The following PDE3B variants were observed in gnomAD, a reference collection of about 807,000 sequenced individuals.
The protein encoded by PDE3B is phosphodiesterase 3B.
In PDE3B, 66 loss-of-function variants were observed where a neutral mutation model predicts 116.8. The ratio of observed to expected loss-of-function variants is 0.56; its 90% confidence interval spans 0.46 to 0.69. PDE3B has a LOEUF of 0.69. PDE3B is among the 30% of genes least tolerant of loss of function. The probability of loss-of-function intolerance (pLI) is 0.00; values close to 1 mark genes in which losing one functional copy is unlikely to be tolerated. For synonymous variants in PDE3B, 595 were observed against 533.6 expected (o/e 1.12, Z -1.59); for missense variants, 1,384 against 1,368.1 (o/e 1.01, Z -0.18).
At chr11:14,804,914 A>T (rs1858874960) in intron 5 of PDE3B, among the ~76,000 whole-genome samples, 1 of 152,180 alleles carries the variant, frequency 6.6e-6, no homozygotes, top group South Asian at 2.1e-4. Flanking sequence ...AATGGATTGG[A>T]TACAACAGAA....
intron 2 of PDE3B, chr11:14,776,796 T>A (rs913912646): frequency 1.3e-5 from 2 of 152,102 alleles, no homozygotes; most frequent in African/African-American, 4.8e-5. Context: ...TGCCTTCTAA[T>A]GGCAAAGATT....
At chr11:14,757,987 G>A (rs528686955) in intron 1 of PDE3B, among the ~76,000 whole-genome samples, 2 of 151,718 alleles carry the variant, frequency 1.3e-5, no homozygotes, top group Admixed American at 6.6e-5. Flanking sequence ...TGTATAAGGT[G>A]TAAGGAAGGG....
intron 12 of PDE3B, among the ~76,000 whole-genome samples, chr11:14,846,026 A>G (rs1847593577): frequency 6.6e-6 from 1 of 152,158 alleles, no homozygotes; most frequent in Non-Finnish European, 1.5e-5. Flanking sequence ...CAACTCCAAG[A>G]CTCATAACTG....
chr11:14,669,527 A>G (rs1352862292), intron 1 of PDE3B, among the ~76,000 whole-genome samples: 1 of 96,942 alleles, frequency 1.0e-5, no homozygotes, highest in Non-Finnish European at 2.0e-5. Flanking sequence ...GGTTTGTTAC[A>G]TATGTATACA....
downstream of PDE3B, among the ~76,000 whole-genome samples, chr11:14,873,439 G>C (rs1848163259): frequency 6.6e-6 from 1 of 152,216 alleles, no homozygotes; most frequent in Admixed American, 6.5e-5. Flanking sequence ...GGACCACAGG[G>C]ACATGTACAG....
intron 1 of PDE3B, among the ~76,000 whole-genome samples, chr11:14,767,532 G>A (rs1857529161): frequency 6.6e-6 from 1 of 150,948 alleles, no homozygotes. Flanking sequence ...TATTGATTGG[G>A]GAGTATAATG....
rs373501111 is a variant in PDE3B at position 14,644,893 on chromosome 11, C to G, written c.818C>G (p.Pro273Arg). ...LDHFFQIREA[P>R]LHPRLSSAAE... is the part of the protein sequence containing the mutation. ...CACTTCTTTCAAATCAGGGAAGCGC[C>G]TCTTCATCCTCGACTGTCCAGTGCC... is the stretch of plus-strand genomic sequence containing the variant. The change falls in exon 1 of 16, where the codon CCT becomes CGT. Residue 273 changes from proline (P) to arginine (R), a missense_variant. Around this residue, in one of 2 missense-constraint regions of PDE3B, gnomAD observed 956 missense variants for 806.8 expected, o/e 1.18. Transcript: ENST00000282096. 1.9e-6 allele frequency: 3 copies of G among 1,614,104 alleles called. No individual in the cohort carries two copies. Among genetic ancestry groups the G allele is most frequent in the East Asian group, 2.2e-5 (1 of 44,856 alleles).
chr11:14,672,720 A>G (rs1565085425), intron 1 of PDE3B, among the ~76,000 whole-genome samples: 1 of 152,090 alleles, frequency 6.6e-6, no homozygotes, highest in Non-Finnish European at 1.5e-5. Context: ...TGTCACACTT[A>G]TCTTCCAGTC....
chr11:14,750,533 A>G (rs1296952918), intron 1 of PDE3B, among the ~76,000 whole-genome samples: 2 of 152,036 alleles, frequency 1.3e-5, no homozygotes, highest in African/African-American at 4.8e-5. Flanking sequence ...AATATTATAT[A>G]TAATTTCCTA....
chr11:14,786,500 G>A lies in PDE3B; in HGVS notation c.1093G>A (p.Asp365Asn). 6.2e-7 allele frequency: 1 copy of A among 1,612,538 alleles called. No homozygotes were observed. ...AAATGAGGCTCGCAATATGGTGTCA[G>A]ATCTTCTGACTGATCCAAGCCTTCC... ...VLNEARNMVS[D>N]LLTDPSLPPQ... The change falls in exon 3 of 16, where the codon GAT (aspartate) becomes AAT (asparagine). Residue 365 changes from aspartate to asparagine, a missense_variant. Physicochemically the swap from Asp to Asn is conservative, Grantham distance 23 (BLOSUM62 1). Transcript: ENST00000282096.
rs369781172 is a variant in PDE3B, at chr11:14,669,196, G to T, written c.978+24143G>T. Among the ~76,000 whole-genome samples, 6 of 152,232 alleles carry T rather than the reference G, an allele frequency of 3.9e-5. No homozygotes were observed. In the East Asian group the frequency reaches 7.7e-4, roughly 20 times the overall value. ...AGAGATTCATTTGAAAGAAGCCGTG[G>T]CTCTGGTAGTAGAGGAGCATCACTA... On this transcript the variant is annotated intron_variant, in intron 1 of 15. Transcript: ENST00000282096.
intron 1 of PDE3B, among the ~76,000 whole-genome samples, chr11:14,723,711 A>G (rs1159381708): frequency 6.6e-6 from 1 of 152,104 alleles, no homozygotes; most frequent in African/African-American, 2.4e-5. Context: ...CAAGTGAGCT[A>G]TGATTGGGCC....
chr11:14,868,825 T>C (rs1848093464), intron 15 of PDE3B, among the ~76,000 whole-genome samples: 1 of 152,046 alleles, frequency 6.6e-6, no homozygotes, highest in African/African-American at 2.4e-5. Context: ...GAAGGTTGAC[T>C]GACTTCTAAA....
At chr11:14,770,327 C>T (rs1388946926) in intron 1 of PDE3B, among the ~76,000 whole-genome samples, 1 of 151,288 alleles carries the variant, frequency 6.6e-6, no homozygotes, top group East Asian at 1.9e-4. Flanking sequence ...AGTTGACATT[C>T]TCAATCTCCA....
At chr11:14,885,682 TA>T in the PDE3B span, 12 of 1,334,456 alleles carry the variant, frequency 9.0e-6, no homozygotes, top group Non-Finnish European at 1.3e-5. Flanking sequence ...TTAATCAGTA[TA>T]AAATAATCCC....
rs11023362 is a variant in PDE3B, at chr11:14,849,600, T to C, written c.2520+5574T>C. Among the ~76,000 whole-genome samples, 28 of 151,980 alleles carry C rather than the reference T, an allele frequency of 1.8e-4. No homozygotes were observed. The South Asian group carries it at 2.7e-3, about 15-fold the overall frequency. On this transcript the variant is annotated intron_variant, in intron 12 of 15. Transcript: ENST00000282096. ...CGCAACCTACTCATCTGACAAAGGA[T>C]TAATATCCAGAATCTACAATGAACT... is the stretch of plus-strand genomic sequence containing the variant.
At chr11:14,768,278 C>T (rs1390642381) in intron 1 of PDE3B, among the ~76,000 whole-genome samples, 1 of 151,530 alleles carries the variant, frequency 6.6e-6, no homozygotes, top group East Asian at 1.9e-4. Context: ...ACACCATCAA[C>T]CCACCATTAC....
chr11:14,844,776 G>A (rs1201133154), intron 12 of PDE3B, among the ~76,000 whole-genome samples: 2 of 152,250 alleles, frequency 1.3e-5, no homozygotes, highest in Non-Finnish European at 2.9e-5. Context: ...CAGCAGCAAG[G>A]CTGGGGAAAG....
At chr11:14,814,260 A>G (rs1005444007) in intron 5 of PDE3B, among the ~76,000 whole-genome samples, 1 of 152,188 alleles carries the variant, frequency 6.6e-6, no homozygotes, top group African/African-American at 2.4e-5. Context: ...TTTCTAGACA[A>G]TGAATGAAGA....
Sources: allele counts gnomAD v4.1 joint callset (sites outside exome capture counted in the v4.1 genomes callset), GRCh38; gene constraint gnomAD v4.1.1; regional missense constraint gnomAD v4.1.1; transcripts MANE v1.5; gene names NCBI Gene and HGNC (gene_info 2026-07-23, HGNC 2026-07-21).